TXK: variants seen among roughly 807,000 people sequenced by gnomAD.
TXK encodes the protein tyrosine-protein kinase TXK.
A neutral mutation model predicts 81.0 loss-of-function variants in TXK; 60 were observed. That is an observed-to-expected ratio of 0.74 (90% CI 0.60 to 0.92). TXK has a LOEUF of 0.92. TXK is among the 40% of genes least tolerant of loss of function. The pLI, the probability that TXK is intolerant of heterozygous loss-of-function variation, is 0.00. For synonymous variants in TXK, 203 were observed against 210.7 expected (o/e 0.96, Z 0.32); for missense variants, 581 against 638.3 (o/e 0.91, Z 0.97).
At chr4:48,091,381 G>A (rs1481007581) in intron 8 of TXK, among the ~76,000 whole-genome samples, 3 of 152,286 alleles carry the variant, frequency 2.0e-5, no homozygotes, top group African/African-American at 7.2e-5. Context: ...GCAGAGGTAA[G>A]CAGTATTCTG....
chr4:48,091,250 G>A (rs1717757835), intron 8 of TXK, among the ~76,000 whole-genome samples: 1 of 152,200 alleles, frequency 6.6e-6, no homozygotes, highest in Admixed American at 6.5e-5. Flanking sequence ...GTTAACCCAT[G>A]GGGAGAAACT....
At chr4:48,119,072 C>T (rs1211486407) in intron 1 of TXK, among the ~76,000 whole-genome samples, 1 of 152,148 alleles carries the variant, frequency 6.6e-6, no homozygotes, top group Non-Finnish European at 1.5e-5. Flanking sequence ...GAATGATCTG[C>T]TGTTTAGGGA....
intron 6 of TXK, among the ~76,000 whole-genome samples, chr4:48,096,003 A>G (rs998451291): frequency 1.3e-5 from 2 of 152,232 alleles, no homozygotes; most frequent in African/African-American, 4.8e-5. Context: ...TGTCAAACCC[A>G]TAGAAGCTTA....
intron 6 of TXK, among the ~76,000 whole-genome samples, chr4:48,101,797 GA>G (rs1194809243): frequency 1.4e-3 from 192 of 134,200 alleles, no homozygotes; most frequent in African/African-American, 3.7e-3. Flanking sequence ...CTTATACTAA[GA>G]AAAAAAAAAA....
At chr4:48,093,299 A>G (rs935330628) in intron 8 of TXK, among the ~76,000 whole-genome samples, 1 of 152,260 alleles carries the variant, frequency 6.6e-6, no homozygotes, top group African/African-American at 2.4e-5. Flanking sequence ...ATTTGTCAAC[A>G]CTTTTCATGA....
intron 6 of TXK, 80 bp from the exon 7 acceptor site, chr4:48,095,302 C>T (rs1717940501): frequency 7.7e-6 from 8 of 1,043,032 alleles, no homozygotes; most frequent in Non-Finnish European, 1.1e-5. Flanking sequence ...AAAATCAAAG[C>T]TATATTGACT....
intron 10 of TXK, among the ~76,000 whole-genome samples, chr4:48,080,662 T>TCTCACA (rs370259787): frequency 4.2e-5 from 6 of 144,476 alleles, no homozygotes; most frequent in Admixed American, 1.4e-4. Flanking sequence ...TATTTGGTAA[T>TCTCACA]CACACACACA....
chr4:48,094,659 A>T (rs746914097), intron 7 of TXK, among the ~76,000 whole-genome samples: 3 of 152,160 alleles, frequency 2.0e-5, no homozygotes, highest in Non-Finnish European at 2.9e-5. Flanking sequence ...CACACCTCAC[A>T]ATTGTCCCAC....
At chr4:48,129,854 C>T (rs943205509) in intron 1 of TXK, among the ~76,000 whole-genome samples, 1 of 152,170 alleles carries the variant, frequency 6.6e-6, no homozygotes, top group African/African-American at 2.4e-5. Flanking sequence ...TCATAATAAG[C>T]TCGCAGACAT....
At position 48,112,314 on chromosome 4, in the gene TXK, G is replaced by A. The variant is rs373706876; in HGVS notation, c.373C>T (p.Arg125Cys). Residue 125 changes from arginine (R) to cysteine (C), a missense_variant, in exon 4 of 15, where the codon CGT (arginine) becomes TGT (cysteine). Physicochemically the swap from Arg to Cys is radical, Grantham distance 180 (BLOSUM62 -3). Coordinates refer to ENST00000264316, the MANE Select transcript of TXK (RefSeq NM_003328.3). Reference protein sequence around the residue: ...YNPHWWKARDRLGNEGLIPSN... With the variant: ...YNPHWWKARDCLGNEGLIPSN... Reference sequence around the variant, plus strand: ...GTCATGTAAGTGTCTTACCCCAAACGGTCTCTTGCCTTCCACCAGTGAGGA... The same window carrying A: ...GTCATGTAAGTGTCTTACCCCAAACAGTCTCTTGCCTTCCACCAGTGAGGA... 15 of 1,613,976 alleles carry A rather than the reference G, an allele frequency of 9.3e-6. No homozygotes were observed. The highest frequency in any genetic ancestry group is 1.3e-5 in the Non-Finnish European group (15 of 1,179,910).
chr4:48,128,017 C>T (rs1719137895), intron 1 of TXK, among the ~76,000 whole-genome samples: 1 of 152,184 alleles, frequency 6.6e-6, no homozygotes, highest in Non-Finnish European at 1.5e-5. Context: ...AAGGTCATCT[C>T]TGAAGAGGAC....
At chr4:48,086,336 T>C in intron 10 of TXK, 130 bp downstream of exon 10, 1 of 846,884 alleles carries the variant, frequency 1.2e-6, no homozygotes, top group Admixed American at 2.2e-5. Flanking sequence ...TCAAATAATG[T>C]GCCTGGGTTA....
chr4:48,110,461 A>G, intron 5 of TXK, 77 bp downstream of exon 5: 1 of 1,024,756 alleles, frequency 9.8e-7, no homozygotes. Flanking sequence ...CCTTCTACAG[A>G]CCCAAAACAG....
At chr4:48,070,238 T>C (rs1293840059) in intron 14 of TXK, among the ~76,000 whole-genome samples, 2 of 152,156 alleles carry the variant, frequency 1.3e-5, no homozygotes, top group East Asian at 1.9e-4. Flanking sequence ...CAGGGGTGTG[T>C]TGAGTCAGTG....
intron 5 of TXK, among the ~76,000 whole-genome samples, chr4:48,108,383 G>A (rs1203070772): frequency 6.6e-6 from 1 of 152,152 alleles, no homozygotes; most frequent in East Asian, 1.9e-4. Flanking sequence ...TTATGTAACA[G>A]ATAGAATAGA....
chr4:48,083,754 G>T (rs1233016493), intron 10 of TXK, among the ~76,000 whole-genome samples: 1 of 152,130 alleles, frequency 6.6e-6, no homozygotes, highest in Admixed American at 6.6e-5. Flanking sequence ...AATAAATAAA[G>T]GTTATATTAT....
At chr4:48,110,010 A>G (rs1213632525) in intron 5 of TXK, among the ~76,000 whole-genome samples, 1 of 152,204 alleles carries the variant, frequency 6.6e-6, no homozygotes, top group Admixed American at 6.5e-5. Flanking sequence ...TCATCTGCAA[A>G]ATGAGGGGCT....
chr4:48,113,640 T>A (rs888406227), intron 2 of TXK, among the ~76,000 whole-genome samples: 5 of 152,188 alleles, frequency 3.3e-5, no homozygotes, highest in Non-Finnish European at 7.3e-5. Flanking sequence ...TGGCTCAGTG[T>A]TTGTCATTTT....
chr4:48,072,861 A>G (rs968803402), intron 13 of TXK, among the ~76,000 whole-genome samples: 12 of 152,198 alleles, frequency 7.9e-5, no homozygotes, highest in African/African-American at 2.9e-4. Context: ...TGAGACTATC[A>G]TATGTCCATG....
Sources: allele counts gnomAD v4.1 joint callset (sites outside exome capture counted in the v4.1 genomes callset), GRCh38; gene constraint gnomAD v4.1.1; transcripts MANE v1.5; gene names NCBI Gene and HGNC (gene_info 2026-07-23, HGNC 2026-07-21).